The following SEC16A variants were observed in gnomAD, a reference collection of about 807,000 sequenced individuals.
SEC16A encodes SEC16 homolog A, endoplasmic reticulum export factor.
A neutral mutation model predicts 221.9 loss-of-function variants in SEC16A; 110 were observed. The observed-to-expected ratio is 0.50, with a 90% CI of 0.42 to 0.58. The LOEUF (loss-of-function observed/expected upper bound fraction) is 0.58. SEC16A is among the 20% of genes least tolerant of loss of function. SEC16A has a pLI of 0.00. For synonymous variants in SEC16A, 1,393 were observed against 1,257.7 expected, an observed-to-expected ratio of 1.11 and a Z score of -2.28; for missense variants, 3,165 against 3,097.8, an observed-to-expected ratio of 1.02 and a Z score of -0.52.
rs1283397834 is a variant in SEC16A at position 136,467,060 on chromosome 9, G to A, written c.3826C>T (p.His1276Tyr). 1.2e-6 allele frequency: 2 copies of A among 1,613,858 alleles called. No individual in the cohort carries two copies. Among genetic ancestry groups the A allele is most frequent in the South Asian group, 1.1e-5 (1 of 91,078 alleles). The change falls in exon 6 of 32, where the codon CAC (histidine) becomes TAC (tyrosine). Residue 1276 changes from histidine to tyrosine, a missense_variant. By Grantham distance (83) the His-to-Tyr change is moderately conservative (BLOSUM62 2). Around this residue, in one of 3 missense-constraint regions of SEC16A, gnomAD observed 2,030 missense variants for 1,923.1 expected, o/e 1.06. Coordinates refer to ENST00000684901, the MANE Select transcript of SEC16A (RefSeq NM_014866.2). ...GGGTCCCTGACTCTAGCACTGTAGT[G>A]GTAACGATCCCAGTGACCTGGATCT... ...YGDPGHWDRYHYSARVRDPRT... is the reference protein window; with the variant it reads ...YGDPGHWDRYYYSARVRDPRT...
At chr9:136,455,447 C>T (rs989819159) in intron 20 of SEC16A, among the ~76,000 whole-genome samples, 154 bp downstream of exon 20, 11 of 152,174 alleles carry the variant, frequency 7.2e-5, no homozygotes, top group South Asian at 6.2e-4. Context: ...GGGAGGAGAC[C>T]GAGGAGCCCC....
chr9:136,455,584 C>G lies in SEC16A; in HGVS notation c.5857+17G>C, dbSNP rs1175673304. On this transcript the variant is annotated intron_variant, in intron 20 of 31. Transcript: ENST00000684901. ...CAGGGGCTTGTCTGAGGGCAGCAGC[C>G]GCGCACCTGGGCTCACCTGAGGGCA... 2 of 1,536,386 alleles carry G rather than the reference C, an allele frequency of 1.3e-6. No homozygotes were observed. The highest frequency in any genetic ancestry group is 2.7e-5 in the African/African-American group (2 of 73,060).
rs773004570 is a variant in SEC16A at position 136,476,606 on chromosome 9, A to G, written c.1010T>C (p.Leu337Pro). 6.3e-7 allele frequency: 1 copy of G among 1,597,450 alleles called. No homozygotes were observed. The highest frequency in any genetic ancestry group is 1.1e-5 in the South Asian group (1 of 88,870). ...HRPASALVNP[L>P]ARGDSPENRT... Reference sequence around the variant, plus strand: ...GTTTTCTGGGCTATCTCCCCGGGCGAGGGGGTTCACAAGAGCAGAGGCGGG... The same window carrying G: ...GTTTTCTGGGCTATCTCCCCGGGCGGGGGGGTTCACAAGAGCAGAGGCGGG... Residue 337 changes from leucine (L) to proline (P), a missense_variant, in exon 3 of 32, where the codon CTC (leucine) becomes CCC (proline). Around this residue, in one of 3 missense-constraint regions of SEC16A, gnomAD observed 2,030 missense variants for 1,923.1 expected, o/e 1.06. Coordinates refer to ENST00000684901, the MANE Select transcript of SEC16A (RefSeq NM_014866.2).
upstream of SEC16A, chr9:136,484,467 T>C: frequency 4.1e-6 from 5 of 1,211,586 alleles, no homozygotes; most frequent in Non-Finnish European, 5.3e-6. Context: ...CCCACTCACC[T>C]GCACACCTGC....
chr9:136,475,165 T>C lies in SEC16A; in HGVS notation c.2451A>G (p.Ser817=), dbSNP rs1841452524. The change falls in exon 3 of 32, where the codon TCA becomes TCG. Residue 817 remains serine, a synonymous_variant. Coordinates refer to ENST00000684901, the MANE Select transcript of SEC16A (RefSeq NM_014866.2). The surrounding 1 kb of genome is among the most constrained non-coding windows in gnomAD (Gnocchi z 5.0). ...ASSGYASLLS[S]PPTESLQNPP... The stretch of plus-strand genomic sequence containing the variant: ...GATTCTGCAGAGACTCAGTGGGCGG[T>C]GAGGATAATAAACTTGCATAACCAG... 6.2e-7 allele frequency: 1 copy of C among 1,613,796 alleles called. No individual in the cohort carries two copies. Among genetic ancestry groups the C allele is most frequent in the Non-Finnish European group, 8.5e-7 (1 of 1,179,854 alleles).
At position 136,443,891 on chromosome 9, in the gene SEC16A, C is replaced by T. The variant is rs754228569; in HGVS notation, c.6937G>A (p.Asp2313Asn). Residue 2313 changes from aspartate to asparagine, a missense_variant, in exon 31 of 32, where the codon GAC becomes AAC. Transcript: ENST00000684901. ...GGAGGGCCCCCTGCAGCAGGGAGGT[C>T]GCCAGGAGCCTGAGAAGCACAGAGA... ...VSQHFNQAPG[D>N]LPAAGGPPSG... 1.6e-5 allele frequency: 26 copies of T among 1,609,196 alleles called. No individual in the cohort carries two copies. The East Asian group carries it at 3.4e-4, about 21-fold the overall frequency.
intron 5 of SEC16A, 46 bp from the exon 6 acceptor site, chr9:136,467,129 G>A (rs757158067): frequency 1.5e-5 from 24 of 1,605,458 alleles, no homozygotes; most frequent in Non-Finnish European, 2.0e-5. Flanking sequence ...TGCAAAAGAA[G>A]AAATGCCTCA....
chr9:136,465,784 G>A (rs1237068497), intron 8 of SEC16A, among the ~76,000 whole-genome samples, 178 bp downstream of exon 8: 2 of 152,172 alleles, frequency 1.3e-5, no homozygotes, highest in South Asian at 2.1e-4. Flanking sequence ...AACTGCAATC[G>A]AAGAGACAGC....
chr9:136,482,878 C>T, intron 1 of SEC16A, 60 bp downstream of exon 1: 2 of 714,042 alleles, frequency 2.8e-6, no homozygotes, highest in Non-Finnish European at 1.7e-6. Context: ...CTGGCTCCGC[C>T]GGCCGGCCTC....
Position 136,463,377 on chromosome 9 carries a change from G to A in SEC16A, c.4647+86C>T, listed in dbSNP as rs535778332. ...TCCCATAGCTGGCCACGCGGATCCC[G>A]CCCTGCTCCTTCGGGAGGCTGAGCA... On this transcript the variant is annotated intron_variant, in intron 11 of 31. Coordinates refer to ENST00000684901, the MANE Select transcript of SEC16A (RefSeq NM_014866.2). The A allele has an allele frequency of 1.7e-5, 26 of 1,536,856 alleles. No individual in the cohort carries two copies. In the African/African-American group the frequency reaches 2.0e-4, roughly 12 times the overall value.
At position 136,476,155 on chromosome 9, in the gene SEC16A, G is replaced by C. The variant is rs139275709; in HGVS notation, c.1461C>G (p.Phe487Leu). Reference sequence around the variant, plus strand: ...CTGGCCCAGGAAGGGGCCCATATCTGAACTGGTCACTCGGGGAGGAAGGGT... The same window carrying C: ...CTGGCCCAGGAAGGGGCCCATATCTCAACTGGTCACTCGGGGAGGAAGGGT... ...NLDPSSPSDQFRYGPLPGPAV... is the reference protein window; with the variant it reads ...NLDPSSPSDQLRYGPLPGPAV... The change falls in exon 3 of 32, where the codon TTC becomes TTG. Residue 487 changes from phenylalanine (F) to leucine (L), a missense_variant. Physicochemically the swap from Phe to Leu is conservative, Grantham distance 22 (BLOSUM62 0). This residue lies in a region of SEC16A where 2,030 missense variants were observed against 1,923.1 expected (regional missense o/e 1.06). Coordinates refer to ENST00000684901, the MANE Select transcript of SEC16A (RefSeq NM_014866.2). 1.1e-4 allele frequency: 171 copies of C among 1,613,874 alleles called. No individual in the cohort carries two copies. The African/African-American group carries it at 1.8e-3, about 17-fold the overall frequency.
intron 3 of SEC16A, among the ~76,000 whole-genome samples, chr9:136,472,797 C>T (rs1260093987): frequency 1.3e-5 from 2 of 152,254 alleles, no homozygotes; most frequent in African/African-American, 2.4e-5. Flanking sequence ...GCTGCCGCTG[C>T]CTGGCAGGAA....
chr9:136,455,515 C>T (rs777222812), intron 20 of SEC16A, 86 bp downstream of exon 20: 9 of 1,302,852 alleles, frequency 6.9e-6, no homozygotes, highest in Admixed American at 2.5e-5. Context: ...GAAAGCAGTT[C>T]TCCAGGAGGC....
Position 136,466,085 on chromosome 9 carries a change from G to A in SEC16A, c.4180C>T (p.Leu1394Phe), listed in dbSNP as rs565105003. 1 of 1,611,224 alleles carries A rather than the reference G, an allele frequency of 6.2e-7. No homozygotes were observed. Among genetic ancestry groups the A allele is most frequent in the African/African-American group, 1.3e-5 (1 of 75,022 alleles). ...TCGCCGTGAAAGGAGCCTGGAGGAA[G>A]CGGGGCCTCGTAGGAACCGGCAGCC... ...NVAAGSYEAP[L>F]PPGSFHGDFA... Residue 1394 changes from leucine (L) to phenylalanine (F), a missense_variant, in exon 8 of 32, where the codon CTT becomes TTT. Physicochemically the swap from Leu to Phe is conservative, Grantham distance 22. This residue lies in a region of SEC16A where 2,030 missense variants were observed against 1,923.1 expected (regional missense o/e 1.06). Coordinates refer to ENST00000684901, the MANE Select transcript of SEC16A (RefSeq NM_014866.2). This position sits in a 1 kb window ranked among gnomAD's most constrained non-coding sequence, Gnocchi z 5.5.
upstream of SEC16A, chr9:136,484,638 C>G (rs1384112516): frequency 5.1e-6 from 7 of 1,364,828 alleles, no homozygotes; most frequent in Admixed American, 1.3e-4. Context: ...CCAGCTGGGC[C>G]GGCGGCTGGT....
chr9:136,476,527 T>C lies in SEC16A; in HGVS notation c.1089A>G (p.Glu363=). The stretch of plus-strand genomic sequence containing the variant: ...GAGCTCCTGAAGCTCCTGAGTCTGC[T>C]TCTAGCGGGGCACAGCCAGACCCGG... The part of the protein sequence containing the change: ...AGAGSGCAPL[E]ADSGASGALA... Residue 363 remains glutamate (E), a synonymous_variant, in exon 3 of 32, where the codon GAA becomes GAG. Coordinates refer to ENST00000684901, the MANE Select transcript of SEC16A (RefSeq NM_014866.2). The C allele has an allele frequency of 6.2e-7, 1 of 1,612,824 alleles. No individual in the cohort carries two copies. Among genetic ancestry groups the C allele is most frequent in the Non-Finnish European group, 8.5e-7 (1 of 1,179,378 alleles).
At position 136,475,438 on chromosome 9, in the gene SEC16A, CCA is replaced by C. The variant is rs1485129630; in HGVS notation, c.2176_2177del (p.Trp726GlyfsTer4). ...VKCESPATTL[W>X]AQSELPDFGG... ...CAAAATCTGGCAGCTCACTTTGCGCCCACAGAGTCGTTGCTGGGCTCTCACAC... is the reference window on the plus strand; with the variant it reads ...CAAAATCTGGCAGCTCACTTTGCGCCCAGAGTCGTTGCTGGGCTCTCACAC... On this transcript the variant is annotated frameshift_variant, in exon 3 of 32. Transcript: ENST00000684901. LOFTEE classifies it high-confidence loss of function. This position sits in a 1 kb window ranked among gnomAD's most constrained non-coding sequence, Gnocchi z 5.0. 3 of 1,610,568 alleles carry C rather than the reference CCA, an allele frequency of 1.9e-6. No homozygotes were observed. Among genetic ancestry groups the C allele is most frequent in the Admixed American group, 1.7e-5 (1 of 59,664 alleles).
rs183334303 is a variant in SEC16A, at chr9:136,467,114, T to C, written c.3803-31A>G. 1.4e-5 allele frequency: 23 copies of C among 1,612,676 alleles called. No individual in the cohort carries two copies. In the Admixed American group the frequency reaches 3.2e-4, roughly 22 times the overall value. On this transcript the variant is annotated intron_variant, in intron 5 of 31. Transcript: ENST00000684901. Reference sequence around the variant, plus strand: ...AGCAAGGAATTAATGATTAATACAGTAACATGCAAAAGAAGAAATGCCTCA... The same window carrying C: ...AGCAAGGAATTAATGATTAATACAGCAACATGCAAAAGAAGAAATGCCTCA...
In SEC16A at chr9:136,459,866, T is replaced by C. The variant is rs775200792; in HGVS notation, c.5082A>G (p.Gly1694=). 1.9e-6 allele frequency: 3 copies of C among 1,612,868 alleles called. No homozygotes were observed. The highest frequency in any genetic ancestry group is 2.5e-6 in the Non-Finnish European group (3 of 1,179,382). Residue 1694 remains glycine, a synonymous_variant, in exon 15 of 32, where the codon GGA becomes GGG. Coordinates refer to ENST00000684901, the MANE Select transcript of SEC16A (RefSeq NM_014866.2). The surrounding 1 kb of genome is among the most constrained non-coding windows in gnomAD (Gnocchi z 6.1). ...GRMPAASTCC[G]DEKWGDWRPH... is the part of the protein sequence containing the mutation. The stretch of plus-strand genomic sequence containing the variant: ...GCCTCCAATCTCCCCATTTCTCGTC[T>C]CCACAGCACTAACATGAGGAAAAAC...
Sources: allele counts gnomAD v4.1 joint callset (sites outside exome capture counted in the v4.1 genomes callset), GRCh38; gene constraint gnomAD v4.1.1; regional missense constraint gnomAD v4.1.1; non-coding constraint Gnocchi (gnomAD v3.1); transcripts MANE v1.5; gene names NCBI Gene and HGNC (gene_info 2026-07-23, HGNC 2026-07-21).